The following PTPRM variants were observed in gnomAD, a reference collection of about 807,000 sequenced individuals.
PTPRM encodes the protein receptor-type tyrosine-protein phosphatase mu.
PTPRM carries 47 observed loss-of-function variants against 186.7 expected under a neutral mutation model. The ratio of observed to expected loss-of-function variants is 0.25; its 90% confidence interval spans 0.20 to 0.32. The LOEUF (loss-of-function observed/expected upper bound fraction) is 0.32. PTPRM is among the 10% of genes least tolerant of loss of function. PTPRM has a pLI of 1.00. For missense variants in PTPRM, 1,494 were observed against 1,865.0 expected, an observed-to-expected ratio of 0.80 and a Z score of 3.66; for synonymous variants, 668 against 674.9, an observed-to-expected ratio of 0.99 and a Z score of 0.16.
intron 19 of PTPRM, among the ~76,000 whole-genome samples, chr18:8,267,904 G>T (rs1322575837): frequency 6.6e-6 from 1 of 152,138 alleles, no homozygotes; most frequent in Non-Finnish European, 1.5e-5. Context: ...CTGACCAGGT[G>T]AAAATTTTCT....
intron 1 of PTPRM, among the ~76,000 whole-genome samples, chr18:7,732,919 C>T (rs1470471): frequency 0.096 from 14,583 of 152,126 alleles, 977 homozygotes; most frequent in African/African-American, 0.18. Flanking sequence ...GCCAGCTTCA[C>T]ATGTTTAGGA....
At chr18:8,277,439 GC>G (rs1286762305) in intron 19 of PTPRM, among the ~76,000 whole-genome samples, 2 of 152,194 alleles carry the variant, frequency 1.3e-5, no homozygotes, top group African/African-American at 4.8e-5. Context: ...CACTGGAGAG[GC>G]ACTGCAGGAG....
At chr18:8,326,378 C>A (rs1285470475) in intron 22 of PTPRM, among the ~76,000 whole-genome samples, 1 of 152,162 alleles carries the variant, frequency 6.6e-6, no homozygotes, top group African/African-American at 2.4e-5. Flanking sequence ...TTTACAGATT[C>A]AATGCTATTC....
chr18:8,227,325 T>C (rs11659222), intron 14 of PTPRM, among the ~76,000 whole-genome samples: 30,179 of 152,194 alleles, frequency 0.2, 3,362 homozygotes, highest in African/African-American at 0.3. Flanking sequence ...CCTCTTTTAG[T>C]TACTGCTTTC....
At chr18:8,094,054 T>G (rs986238704) in intron 11 of PTPRM, among the ~76,000 whole-genome samples, 3 of 152,204 alleles carry the variant, frequency 2.0e-5, no homozygotes, top group Non-Finnish European at 4.4e-5. Flanking sequence ...AATAGGTTTG[T>G]TCAAGAGTTT....
intron 4 of PTPRM, among the ~76,000 whole-genome samples, chr18:7,916,617 TA>T (rs529823904): frequency 2.0e-5 from 3 of 151,942 alleles, no homozygotes; most frequent in Non-Finnish European, 2.9e-5. Context: ...TTTTCTTTTT[TA>T]AAAAAAATGT....
chr18:7,734,238 T>A (rs888097565), intron 1 of PTPRM, among the ~76,000 whole-genome samples: 3 of 152,136 alleles, frequency 2.0e-5, no homozygotes, highest in African/African-American at 7.2e-5. Flanking sequence ...AATCTGTATG[T>A]GTCAGGGGCA....
At chr18:8,403,330 A>C (rs1384442787) in intron 32 of PTPRM, 11 of 152,248 alleles carry the variant, frequency 7.2e-5, no homozygotes, top group Admixed American at 7.2e-4. Context: ...TGCATGCCAT[A>C]ACATTTCCCC....
At chr18:8,232,466 A>T (rs936798630) in intron 14 of PTPRM, among the ~76,000 whole-genome samples, 1 of 152,254 alleles carries the variant, frequency 6.6e-6, no homozygotes, top group Non-Finnish European at 1.5e-5. Context: ...GTAAATAGCA[A>T]GGAGCATAAC....
intron 1 of PTPRM, among the ~76,000 whole-genome samples, chr18:7,744,769 TTTATC>T (rs1179086822): frequency 3.9e-5 from 6 of 152,242 alleles, no homozygotes; most frequent in African/African-American, 1.4e-4. Context: ...TTCATCGACT[TTTATC>T]TTATTTTTGA....
At chr18:8,168,719 G>C (rs1446039127) in intron 14 of PTPRM, among the ~76,000 whole-genome samples, 1 of 152,198 alleles carries the variant, frequency 6.6e-6, no homozygotes, top group Non-Finnish European at 1.5e-5. Flanking sequence ...AAAAAGTGCT[G>C]AATTTTGTGG....
intron 7 of PTPRM, among the ~76,000 whole-genome samples, chr18:8,020,839 G>C (rs1233032602): frequency 6.6e-6 from 1 of 152,168 alleles, no homozygotes; most frequent in Non-Finnish European, 1.5e-5. Context: ...TGCAGCAGAG[G>C]CAAGCACAGA....
intron 1 of PTPRM, among the ~76,000 whole-genome samples, chr18:7,669,252 C>T (rs2039163859): frequency 1.3e-5 from 2 of 152,126 alleles, no homozygotes; most frequent in South Asian, 4.2e-4. Flanking sequence ...ATCCATTCCT[C>T]CATTGCTTCT....
Position 8,031,015 on chromosome 18 carries a change from T to C in PTPRM, c.1133-38671T>C, listed in dbSNP as rs2085931775. ...ATCTTTTTCTCCATTTTTGGAAGAG[T>C]GTGCGCTTGTTTGTATTTTACTCCC... On this transcript the variant is annotated intron_variant, in intron 7 of 32. Transcript: ENST00000580170. Among the ~76,000 whole-genome samples, 4 of 152,176 alleles carry C rather than the reference T, an allele frequency of 2.6e-5. No homozygotes were observed. In the South Asian group the frequency reaches 8.3e-4, roughly 31 times the overall value.
At chr18:7,758,479 T>A (rs571233928) in intron 1 of PTPRM, among the ~76,000 whole-genome samples, 1 of 152,306 alleles carries the variant, frequency 6.6e-6, no homozygotes, top group East Asian at 1.9e-4. Flanking sequence ...GGATTTAGGT[T>A]TGTGTTAATA....
intron 11 of PTPRM, among the ~76,000 whole-genome samples, chr18:8,097,155 C>T (rs568932047): frequency 4.6e-5 from 7 of 152,276 alleles, no homozygotes; most frequent in South Asian, 2.1e-4. Flanking sequence ...CACAAAAGTG[C>T]TAATATGCCT....
intron 2 of PTPRM, among the ~76,000 whole-genome samples, chr18:7,827,052 T>C (rs1423921957): frequency 1.3e-5 from 2 of 152,166 alleles, no homozygotes; most frequent in Non-Finnish European, 2.9e-5. Flanking sequence ...CAGTGAGCTG[T>C]GATCATGCCA....
At chr18:7,924,527 G>A (rs1316705848) in intron 4 of PTPRM, among the ~76,000 whole-genome samples, 1 of 152,056 alleles carries the variant, frequency 6.6e-6, no homozygotes, top group Non-Finnish European at 1.5e-5. Flanking sequence ...TTTTTATATG[G>A]TAACATTTCA....
intron 9 of PTPRM, among the ~76,000 whole-genome samples, chr18:8,084,351 C>T (rs952567320): frequency 2.0e-5 from 3 of 152,164 alleles, no homozygotes; most frequent in African/African-American, 7.2e-5. Flanking sequence ...GCGGTTACAT[C>T]GCTGACGTCC....
Sources: allele counts gnomAD v4.1 joint callset (sites outside exome capture counted in the v4.1 genomes callset), GRCh38; gene constraint gnomAD v4.1.1; transcripts MANE v1.5; gene names NCBI Gene and HGNC (gene_info 2026-07-23, HGNC 2026-07-21).